Variants in PRMT8 observed in about 807,000 individuals in gnomAD.
PRMT8 encodes the protein protein arginine methyltransferase 8, also known as protein arginine N-methyltransferase 8.
PRMT8 carries 7 observed loss-of-function variants against 47.1 expected under a neutral mutation model. The ratio of observed to expected loss-of-function variants is 0.15; its 90% CI spans 0.08 to 0.28. PRMT8 has a LOEUF of 0.28. Among genes scored for constraint, PRMT8 ranks in the 10% least tolerant of loss-of-function variants. PRMT8 has a pLI of 1.00. For missense variants in PRMT8, 237 were observed against 505.4 expected (o/e 0.47, Z 5.09); for synonymous variants, 188 against 186.5 (o/e 1.01, Z -0.07).
chr12:3,466,601 A>C (rs2137091803), intron 1 of PRMT8, among the ~76,000 whole-genome samples: 1 of 152,290 alleles, frequency 6.6e-6, no homozygotes. Flanking sequence ...ATCAGGCTAA[A>C]TGGGTTCTTT....
At position 3,409,044 on chromosome 12, in the gene PRMT8, G is replaced by C. The variant is rs1591541056; in HGVS notation, c.48+27602G>C. On this transcript the variant is annotated intron_variant, in intron 1 of 9. Coordinates refer to the PRMT8 transcript ENST00000452611. The surrounding 1 kb of genome is among the most constrained non-coding windows in gnomAD (Gnocchi z 4.4). ...CTGCAGTGGTGCTGGGTTCTGGGGT[G>C]CAGGTGCTCAGAGTGGCTGTAAAGC... Among the ~76,000 whole-genome samples the C allele has an allele frequency of 6.6e-6, 1 of 152,302 alleles. No homozygotes were observed. The highest frequency in any genetic ancestry group is 1.5e-5 in the Non-Finnish European group (1 of 68,032).
intron 6 of PRMT8, among the ~76,000 whole-genome samples, chr12:3,575,426 G>T (rs1866919865): frequency 6.6e-6 from 1 of 152,220 alleles, no homozygotes. Context: ...AGATTCAGGT[G>T]CCCGGAAACT....
intron 1 of PRMT8, among the ~76,000 whole-genome samples, chr12:3,413,621 C>G (rs1864454381): frequency 6.6e-6 from 1 of 152,126 alleles, no homozygotes; most frequent in African/African-American, 2.4e-5. Context: ...ATGAGTAATG[C>G]ATTGTGCCAC....
At chr12:3,586,625 G>T (rs1416212312) in intron 8 of PRMT8, among the ~76,000 whole-genome samples, 2 of 152,082 alleles carry the variant, frequency 1.3e-5, no homozygotes, top group Non-Finnish European at 2.9e-5. Flanking sequence ...CCTCACCCTG[G>T]ACCTCCTGAA....
At chr12:3,473,046 G>A (rs1031210031) in intron 1 of PRMT8, among the ~76,000 whole-genome samples, 1 of 152,048 alleles carries the variant, frequency 6.6e-6, no homozygotes, top group Non-Finnish European at 1.5e-5. Flanking sequence ...TGCCCCAGGC[G>A]CTTTCAATGG....
intron 1 of PRMT8, among the ~76,000 whole-genome samples, chr12:3,424,912 C>T (rs1864585987): frequency 1.3e-5 from 2 of 152,164 alleles, no homozygotes; most frequent in South Asian, 4.1e-4. Context: ...CATGCTTTGG[C>T]CATGCGTGGA....
At chr12:3,400,822 G>A (rs574696578) in intron 1 of PRMT8, among the ~76,000 whole-genome samples, 1 of 152,184 alleles carries the variant, frequency 6.6e-6, no homozygotes, top group Non-Finnish European at 1.5e-5. Context: ...GATCAAGTTG[G>A]TTTCATCCCT....
chr12:3,435,501 GTT>G (rs11341367), intron 1 of PRMT8, among the ~76,000 whole-genome samples: 2 of 144,992 alleles, frequency 1.4e-5, no homozygotes, highest in African/African-American at 5.1e-5. Context: ...ACAACGTCAT[GTT>G]TTTTTTTTTC....
intron 1 of PRMT8, among the ~76,000 whole-genome samples, chr12:3,413,619 T>G (rs1864454352): frequency 6.6e-6 from 1 of 152,166 alleles, no homozygotes; most frequent in African/African-American, 2.4e-5. Context: ...CCATGAGTAA[T>G]GCATTGTGCC....
Position 3,493,150 on chromosome 12 carries a change from CA to C in PRMT8, c.75+1451del, listed in dbSNP as rs1865449685. Reference sequence around the variant, plus strand: ...CGGGACTTGAACGCAGCGGGGCATTCAGTAGCGAATGCTGTCTCCTTGAGTT... The same window carrying C: ...CGGGACTTGAACGCAGCGGGGCATTCGTAGCGAATGCTGTCTCCTTGAGTT... On this transcript the variant is annotated intron_variant, in intron 1 of 9. Transcript: ENST00000382622. This position sits in a 1 kb window ranked among gnomAD's most constrained non-coding sequence, Gnocchi z 8.2. Among the ~76,000 whole-genome samples, 1 of 152,204 alleles carries C rather than the reference CA, an allele frequency of 6.6e-6. No individual in the cohort carries two copies. The highest frequency in any genetic ancestry group is 6.5e-5 in the Admixed American group (1 of 15,282).
chr12:3,511,607 C>T (rs1865714937), intron 1 of PRMT8, among the ~76,000 whole-genome samples: 1 of 152,158 alleles, frequency 6.6e-6, no homozygotes, highest in Non-Finnish European at 1.5e-5. Flanking sequence ...AGAGCTCTTT[C>T]TTTTCCAACA....
At chr12:3,523,214 C>A (rs967433971) in intron 1 of PRMT8, among the ~76,000 whole-genome samples, 2 of 152,162 alleles carry the variant, frequency 1.3e-5, no homozygotes, top group African/African-American at 2.4e-5. Flanking sequence ...GTAAACCACC[C>A]AATTTCAAGG....
At chr12:3,554,075 G>A (rs373915992) in intron 4 of PRMT8, among the ~76,000 whole-genome samples, 5 of 151,974 alleles carry the variant, frequency 3.3e-5, no homozygotes, top group Non-Finnish European at 5.9e-5. Flanking sequence ...CATGAGCCCC[G>A]ACCCAATGTT....
intron 1 of PRMT8, among the ~76,000 whole-genome samples, chr12:3,425,953 C>T (rs145810582): frequency 7.9e-5 from 12 of 152,374 alleles, no homozygotes; most frequent in African/African-American, 2.4e-4. Flanking sequence ...CTCCAAGGAA[C>T]GTTAAGTTTC....
At position 3,428,230 on chromosome 12, in the gene PRMT8, A is replaced by G. The variant is rs191854505; in HGVS notation, c.48+46788A>G. On this transcript the variant is annotated intron_variant, in intron 1 of 9. Transcript: ENST00000452611. ...AATTTTCAGTGGCTAATGTTATTAA[A>G]TCATCTTTTTCTTTCTTTCTTTTTT... 1.1e-4 allele frequency among the ~76,000 whole-genome samples: 16 copies of G among 150,922 alleles called. No homozygotes were observed. The East Asian group carries it at 2.9e-3, about 27-fold the overall frequency.
At chr12:3,472,513 T>C (rs1196505269) in intron 1 of PRMT8, among the ~76,000 whole-genome samples, 4 of 152,188 alleles carry the variant, frequency 2.6e-5, no homozygotes, top group East Asian at 1.9e-4. Context: ...CTGTGTGACA[T>C]TGGGACAAGT....
chr12:3,465,776 C>T (rs547641072), intron 1 of PRMT8, among the ~76,000 whole-genome samples: 3 of 152,250 alleles, frequency 2.0e-5, no homozygotes, highest in Admixed American at 6.5e-5. Context: ...AGGGCATAGC[C>T]GTTTTGGCTT....
At chr12:3,398,413 C>T (rs1054784127) in intron 1 of PRMT8, among the ~76,000 whole-genome samples, 2 of 152,172 alleles carry the variant, frequency 1.3e-5, no homozygotes, top group African/African-American at 4.8e-5. Context: ...GTGGCTACAA[C>T]ACAGCACTGT....
intron 1 of PRMT8, among the ~76,000 whole-genome samples, chr12:3,511,058 A>T (rs1865705673): frequency 6.6e-6 from 1 of 152,226 alleles, no homozygotes; most frequent in Admixed American, 6.5e-5. Context: ...CCCCTTAAAT[A>T]AATGGAGACA....
Sources: allele counts gnomAD v4.1 joint callset (sites outside exome capture counted in the v4.1 genomes callset), GRCh38; gene constraint gnomAD v4.1.1; non-coding constraint Gnocchi (gnomAD v3.1); transcripts MANE v1.5; gene names NCBI Gene and HGNC (gene_info 2026-07-23, HGNC 2026-07-21).